The following ARMC7 variants were observed in gnomAD, a reference collection of about 807,000 sequenced individuals.
ARMC7 encodes the protein armadillo repeat-containing protein 7.
In ARMC7, 9 loss-of-function variants were observed where a neutral mutation model predicts 14.8. The observed-to-expected ratio is 0.61, with a 90% CI of 0.37 to 1.06. The LOEUF (loss-of-function observed/expected upper bound fraction) is 1.06. Among genes scored for constraint, ARMC7 ranks in the 50% least tolerant of loss-of-function variants. The pLI, the probability that ARMC7 is intolerant of heterozygous loss-of-function variation, is 0.01. For synonymous variants in ARMC7, 125 were observed against 123.4 expected, an observed-to-expected ratio of 1.01 and a Z score of -0.09; for missense variants, 262 against 267.1, an observed-to-expected ratio of 0.98 and a Z score of 0.13.
chr17:75,122,192 C>T (rs1369516934), intron 2 of ARMC7, among the ~76,000 whole-genome samples: 1 of 151,530 alleles, frequency 6.6e-6, no homozygotes, highest in African/African-American at 2.4e-5. Context: ...GGAAATTAGT[C>T]GGGCATGTTG....
intron 2 of ARMC7, chr17:75,114,854 G>T: frequency 2.5e-6 from 1 of 396,730 alleles, no homozygotes. Flanking sequence ...TATTATGCAT[G>T]ACTGAGAAGG....
intron 2 of ARMC7, among the ~76,000 whole-genome samples, chr17:75,123,972 C>A (rs2074032803): frequency 6.6e-6 from 1 of 152,190 alleles, no homozygotes; most frequent in East Asian, 1.9e-4. Context: ...AGCCATCTGG[C>A]TATTACCAAG....
intron 2 of ARMC7, among the ~76,000 whole-genome samples, chr17:75,118,052 C>G (rs992301080): frequency 6.7e-6 from 1 of 149,228 alleles, no homozygotes; most frequent in African/African-American, 2.5e-5. Flanking sequence ...ACCCAGGAGG[C>G]AGGCAGAGGT....
Position 75,129,123 on chromosome 17 carries a change from G to GCC in ARMC7, c.*88_*89dup. Reference sequence around the variant, plus strand: ...ACGCAGGGAACGGGGAGCACATACTGCCCCATTGGTGCCTTTTCAGCCATC... The same window carrying GCC: ...ACGCAGGGAACGGGGAGCACATACTGCCCCCCATTGGTGCCTTTTCAGCCATC... On this transcript the variant is annotated 3_prime_UTR_variant, in exon 3 of 3. Coordinates refer to ENST00000245543, the MANE Select transcript of ARMC7 (RefSeq NM_024585.4). 6.7e-7 allele frequency: 1 copy of GCC among 1,483,116 alleles called. No individual in the cohort carries two copies. The highest frequency in any genetic ancestry group is 8.9e-7 in the Non-Finnish European group (1 of 1,118,202). The allele number at this position is 1,483,116 out of a possible 1,614,324, so 91.9% of individuals were successfully genotyped here.
chr17:75,118,464 G>A (rs940564162), intron 2 of ARMC7, among the ~76,000 whole-genome samples: 7 of 152,154 alleles, frequency 4.6e-5, no homozygotes, highest in East Asian at 1.9e-4. Flanking sequence ...CTCACTCACC[G>A]TCGTCTCTGT....
intron 2 of ARMC7, chr17:75,114,241 GCTC>G (rs747185637): frequency 2.8e-4 from 113 of 401,294 alleles, no homozygotes; most frequent in Non-Finnish European, 4.8e-4. Flanking sequence ...GGGCGATAGA[GCTC>G]CTCCAAATCA....
chr17:75,109,990 G>A lies in ARMC7; in HGVS notation c.-299G>A. On this transcript the variant is annotated 5_prime_UTR_variant, in exon 1 of 3. Coordinates refer to ENST00000245543, the MANE Select transcript of ARMC7 (RefSeq NM_024585.4). This position sits in a 1 kb window ranked among gnomAD's most constrained non-coding sequence, Gnocchi z 5.0. The stretch of plus-strand genomic sequence containing the variant: ...GCCCGGAACCGAGCCCAGGAGCCGG[G>A]GACGGTGCGCCAGTGCCCCCTCCGC... 1 of 343,938 alleles carries A rather than the reference G, an allele frequency of 2.9e-6. No homozygotes were observed. Among genetic ancestry groups the A allele is most frequent in the Non-Finnish European group, 5.4e-6 (1 of 186,236 alleles). The allele number at this position is 343,938 out of a possible 1,614,324, so 21.3% of individuals were successfully genotyped here. A position where few individuals can be genotyped will look rare whatever the true frequency, so the allele number is the denominator to read the frequency against.
At chr17:75,111,872 G>A (rs1253197376) in intron 2 of ARMC7, among the ~76,000 whole-genome samples, 1 of 151,518 alleles carries the variant, frequency 6.6e-6, no homozygotes, top group African/African-American at 2.5e-5. Context: ...GATATTTATT[G>A]CGCGTGTACC....
Position 75,129,276 on chromosome 17 carries a change from A to G in ARMC7, c.*238A>G, listed in dbSNP as rs1476416255. ...CTGCGTTCATAGGCTGGCACTCTCAATCCTACATCAGGTGCCACCACCACC... is the reference window on the plus strand; with the variant it reads ...CTGCGTTCATAGGCTGGCACTCTCAGTCCTACATCAGGTGCCACCACCACC... On this transcript the variant is annotated 3_prime_UTR_variant, in exon 3 of 3. Transcript: ENST00000245543. The G allele has an allele frequency of 6.8e-5, 40 of 591,612 alleles. No individual in the cohort carries two copies. In the East Asian group the frequency reaches 8.7e-4, roughly 13 times the overall value. 36.6% of individuals were successfully genotyped at this position (591,612 alleles called of 1,614,324 possible).
chr17:75,113,639 G>A (rs866180982), intron 2 of ARMC7, among the ~76,000 whole-genome samples: 1 of 152,338 alleles, frequency 6.6e-6, no homozygotes, highest in African/African-American at 2.4e-5. Context: ...ACAGGCGTGA[G>A]CCACCGCGCC....
At position 75,128,887 on chromosome 17, in the gene ARMC7, C is replaced by T; in HGVS notation, c.446C>T (p.Ser149Phe). 1.9e-6 allele frequency: 3 copies of T among 1,611,614 alleles called. No individual in the cohort carries two copies. The highest frequency in any genetic ancestry group is 2.5e-6 in the Non-Finnish European group (3 of 1,179,934). Residue 149 changes from serine to phenylalanine, a missense_variant, in exon 3 of 3, where the codon TCC becomes TTC. Ser to Phe is a radical substitution (Grantham distance 155, BLOSUM62 -2). Transcript: ENST00000245543. Reference sequence around the variant, plus strand: ...GTGGTGCAGTGCATGCTTCGCTTCTCCCTCTCGGCCAGCGCCAGGCTCCGG... The same window carrying T: ...GTGGTGCAGTGCATGCTTCGCTTCTTCCTCTCGGCCAGCGCCAGGCTCCGG... ...TPVVQCMLRF[S>F]LSASARLRNL...
intron 2 of ARMC7, among the ~76,000 whole-genome samples, chr17:75,127,722 G>C (rs934031981): frequency 1.4e-4 from 22 of 152,168 alleles, no homozygotes; most frequent in Non-Finnish European, 2.9e-4. Flanking sequence ...AGCCTCTCAA[G>C]TAGCTGAGAC....
At chr17:75,125,122 T>C (rs370697224) in intron 2 of ARMC7, among the ~76,000 whole-genome samples, 2 of 152,176 alleles carry the variant, frequency 1.3e-5, no homozygotes, top group African/African-American at 4.8e-5. Context: ...AAAGAGCTCC[T>C]TCCCTCCCTC....
intron 2 of ARMC7, among the ~76,000 whole-genome samples, chr17:75,112,639 G>A (rs1165552228): frequency 1.5e-5 from 2 of 137,448 alleles, no homozygotes; most frequent in Non-Finnish European, 3.1e-5. Flanking sequence ...GCAGTGGTGT[G>A]ATCATAGCTC....
At chr17:75,119,466 T>TTTTTTTA (rs2073997235) in intron 2 of ARMC7, among the ~76,000 whole-genome samples, 1 of 150,594 alleles carries the variant, frequency 6.6e-6, no homozygotes, top group African/African-American at 2.4e-5. Context: ...TTTTTTTTTT[T>TTTTTTTA]GAGACGGAGT....
At position 75,128,735 on chromosome 17, in the gene ARMC7, A is replaced by G; in HGVS notation, c.294A>G (p.Gly98=). The change falls in exon 3 of 3, where the codon GGA becomes GGG. Residue 98 remains glycine (G), a synonymous_variant. Coordinates refer to ENST00000245543, the MANE Select transcript of ARMC7 (RefSeq NM_024585.4). ...RANKEHILHA[G]GVPLIINCLS... ...ACAAGGAGCACATCCTGCACGCAGG[A>G]GGTGTCCCACTCATCATCAACTGCC... The G allele has an allele frequency of 1.9e-6, 3 of 1,613,564 alleles. No individual in the cohort carries two copies. Among genetic ancestry groups the G allele is most frequent in the Non-Finnish European group, 2.5e-6 (3 of 1,179,986 alleles).
At chr17:75,119,549 C>T (rs2073998223) in intron 2 of ARMC7, among the ~76,000 whole-genome samples, 2 of 149,058 alleles carry the variant, frequency 1.3e-5, no homozygotes, top group African/African-American at 4.9e-5. Flanking sequence ...CCCGGGTTCA[C>T]GCCATTCTCC....
At chr17:75,120,539 G>T (rs1263831073) in intron 2 of ARMC7, among the ~76,000 whole-genome samples, 1 of 152,222 alleles carries the variant, frequency 6.6e-6, no homozygotes, top group East Asian at 1.9e-4. Flanking sequence ...TGGTGGCTGG[G>T]CACGGTGGCT....
In ARMC7 at chr17:75,114,776, C is replaced by T. The variant is rs2073961662; in HGVS notation, c.235+4170C>T. On this transcript the variant is annotated intron_variant, in intron 2 of 2. Coordinates refer to ENST00000245543, the MANE Select transcript of ARMC7 (RefSeq NM_024585.4). Reference sequence around the variant, plus strand: ...CAGTAGCTTTCTCAGCGTCGAATCCCTCCGTGGGACCATGTTGCAATGAAA... The same window carrying T: ...CAGTAGCTTTCTCAGCGTCGAATCCTTCCGTGGGACCATGTTGCAATGAAA... The T allele has an allele frequency of 5.0e-6, 2 of 398,428 alleles. 1 individual carries two copies. The highest frequency in any genetic ancestry group is 2.5e-4 in the South Asian group (2 of 7,856). The allele number at this position is 398,428 out of a possible 1,614,324, so 24.7% of individuals were successfully genotyped here.
Sources: gnomAD v4.1 joint callset for allele counts (sites outside exome capture counted in the v4.1 genomes callset) on GRCh38, gnomAD v4.1.1 for gene constraint, Gnocchi (gnomAD v3.1) non-coding constraint, MANE v1.5 for transcripts, NCBI Gene and HGNC (gene_info 2026-07-23, HGNC 2026-07-21) for gene names.